Variants in FILIP1 observed in about 807,000 individuals in gnomAD.
The protein encoded by FILIP1 is filamin-A-interacting protein 1.
A neutral mutation model predicts 102.1 loss-of-function variants in FILIP1; 61 were observed. The observed-to-expected ratio is 0.60, with a 90% CI of 0.49 to 0.74. FILIP1 has a LOEUF of 0.74. Ranked by LOEUF, FILIP1 falls within the 30% of genes least tolerant of loss-of-function variation. The probability of loss-of-function intolerance (pLI) is 0.00; values close to 1 mark genes in which losing one functional copy is unlikely to be tolerated. For missense variants in FILIP1, 1,314 were observed against 1,441.2 expected (o/e 0.91, Z 1.43); for synonymous variants, 491 against 526.9 (o/e 0.93, Z 0.93).
chr6:75,339,889 A>G (rs994135590), intron 4 of FILIP1, among the ~76,000 whole-genome samples: 1 of 151,824 alleles, frequency 6.6e-6, no homozygotes, highest in African/African-American at 2.4e-5. Flanking sequence ...CAGAGGTTGC[A>G]GGGAGCCGAG....
At chr6:75,371,105 C>A (rs1582406737) in intron 2 of FILIP1, among the ~76,000 whole-genome samples, 1 of 152,188 alleles carries the variant, frequency 6.6e-6, no homozygotes, top group Middle Eastern at 3.4e-3. Context: ...AGAAATTAAA[C>A]CCATTTTTTC....
At chr6:75,403,680 C>T (rs1034213130) in intron 2 of FILIP1, among the ~76,000 whole-genome samples, 1 of 152,054 alleles carries the variant, frequency 6.6e-6, no homozygotes, top group African/African-American at 2.4e-5. Context: ...AATGTAGAGA[C>T]TGCCTGATTA....
chr6:75,430,607 T>A (rs1777791755), intron 1 of FILIP1, among the ~76,000 whole-genome samples: 1 of 152,158 alleles, frequency 6.6e-6, no homozygotes, highest in Non-Finnish European at 1.5e-5. Flanking sequence ...AAACAGACAT[T>A]TAAGCAAATT....
chr6:75,421,697 T>C (rs899508771), intron 1 of FILIP1, among the ~76,000 whole-genome samples: 5 of 152,208 alleles, frequency 3.3e-5, no homozygotes, highest in African/African-American at 1.2e-4. Flanking sequence ...TTAGTAATAC[T>C]GTCTAGCGTG....
At chr6:75,304,857 C>T (rs1330677753), downstream of FILIP1, among the ~76,000 whole-genome samples, 1 of 152,108 alleles carries the variant, frequency 6.6e-6, no homozygotes, top group Admixed American at 6.6e-5. Flanking sequence ...TCTTTTAGCT[C>T]TGGCTGATAT....
rs559313728 is a variant in FILIP1 at position 75,446,745 on chromosome 6, A to T, written c.-6-31767T>A. Among the ~76,000 whole-genome samples, 4 of 152,198 alleles carry T rather than the reference A, an allele frequency of 2.6e-5. No individual in the cohort carries two copies. The East Asian group carries it at 7.7e-4, about 29-fold the overall frequency. ...CCCCAGTTCACCTGGGAAAATGATG[A>T]CTCTTTCATTACATCTGAGCCAAGG... On this transcript the variant is annotated intron_variant, in intron 1 of 5. Coordinates refer to ENST00000237172, the MANE Select transcript of FILIP1 (RefSeq NM_015687.5).
chr6:75,402,028 A>G (rs1004171252), intron 2 of FILIP1, among the ~76,000 whole-genome samples: 1 of 152,182 alleles, frequency 6.6e-6, no homozygotes, highest in Non-Finnish European at 1.5e-5. Flanking sequence ...TATTACCCTT[A>G]TGTGGTATTT....
intron 2 of FILIP1, among the ~76,000 whole-genome samples, chr6:75,377,169 A>T (rs1317970776): frequency 1.3e-5 from 2 of 152,316 alleles, no homozygotes; most frequent in African/African-American, 4.8e-5. Flanking sequence ...TAAGTTTTTT[A>T]AAAATTGCAT....
chr6:75,401,386 A>T (rs1776652544), intron 2 of FILIP1, among the ~76,000 whole-genome samples: 1 of 152,028 alleles, frequency 6.6e-6, no homozygotes, highest in Non-Finnish European at 1.5e-5. Context: ...CCTTAACCAT[A>T]GATATTTTCT....
At chr6:75,449,738 CT>C (rs1778559287) in intron 1 of FILIP1, among the ~76,000 whole-genome samples, 1 of 151,914 alleles carries the variant, frequency 6.6e-6, no homozygotes, top group Non-Finnish European at 1.5e-5. Context: ...GGCAAAAATC[CT>C]CAGACATTTA....
chr6:75,319,994 T>C, intron 4 of FILIP1: 1 of 334,406 alleles, frequency 3.0e-6, no homozygotes, highest in Non-Finnish European at 5.6e-6. Context: ...TAGTTATTTT[T>C]CTTCAGCAAG....
chr6:75,369,088 T>C (rs1582404213), intron 2 of FILIP1, among the ~76,000 whole-genome samples: 1 of 152,184 alleles, frequency 6.6e-6, no homozygotes, highest in Non-Finnish European at 1.5e-5. Flanking sequence ...CTTGGCAGGG[T>C]TGTCTGATTC....
intron 3 of FILIP1, among the ~76,000 whole-genome samples, chr6:75,360,314 T>C (rs547701359): frequency 6.6e-6 from 1 of 152,234 alleles, no homozygotes; most frequent in Non-Finnish European, 1.5e-5. Context: ...TCTTGTATTT[T>C]TTAAATTTAT....
At chr6:75,364,790 T>C (rs1775275182) in intron 2 of FILIP1, among the ~76,000 whole-genome samples, 1 of 152,208 alleles carries the variant, frequency 6.6e-6, no homozygotes, top group South Asian at 2.1e-4. Context: ...ATACAAATCC[T>C]TGGCATCATC....
chr6:75,371,195 A>G (rs1251067378), intron 2 of FILIP1, among the ~76,000 whole-genome samples: 1 of 152,242 alleles, frequency 6.6e-6, no homozygotes, highest in African/African-American at 2.4e-5. Context: ...TAGTTAGGTT[A>G]CAGGGCCACT....
intron 1 of FILIP1, chr6:75,453,845 G>C: frequency 2.4e-6 from 1 of 413,498 alleles, no homozygotes; most frequent in South Asian, 1.8e-5. Flanking sequence ...AAATCTAGTG[G>C]CAAAGCCTGG....
chr6:75,452,316 T>C (rs1203592669), intron 1 of FILIP1, among the ~76,000 whole-genome samples: 2 of 151,952 alleles, frequency 1.3e-5, no homozygotes, highest in African/African-American at 4.8e-5. Flanking sequence ...TGTCCATGTG[T>C]TCTCATTGTT....
intron 1 of FILIP1, among the ~76,000 whole-genome samples, chr6:75,451,058 G>C (rs897504522): frequency 6.6e-6 from 1 of 152,034 alleles, no homozygotes; most frequent in African/African-American, 2.4e-5. Flanking sequence ...GCAGGGATAA[G>C]TGTTGGGTGT....
intron 2 of FILIP1, among the ~76,000 whole-genome samples, chr6:75,364,855 A>C (rs1775276508): frequency 6.6e-6 from 1 of 152,216 alleles, no homozygotes; most frequent in Non-Finnish European, 1.5e-5. Flanking sequence ...CGATCTTAAA[A>C]AGGTGTCATC....
Sources: gnomAD v4.1 joint callset for allele counts (sites outside exome capture counted in the v4.1 genomes callset) on GRCh38, gnomAD v4.1.1 for gene constraint, MANE v1.5 for transcripts, NCBI Gene and HGNC (gene_info 2026-07-23, HGNC 2026-07-21) for gene names.